The following CA9 variants were observed in gnomAD, a reference collection of about 807,000 sequenced individuals.
The protein encoded by CA9 is CA-IX.
A neutral mutation model predicts 51.8 loss-of-function variants in CA9; 43 were observed. The ratio of observed to expected loss-of-function variants is 0.83; its 90% CI spans 0.65 to 1.07. The LOEUF is 1.07. Among genes scored for constraint, CA9 ranks in the 50% least tolerant of loss-of-function variants. The pLI is 0.00. For synonymous variants in CA9, 253 were observed against 244.2 expected, an observed-to-expected ratio of 1.04 and a Z score of -0.34; for missense variants, 574 against 581.4, an observed-to-expected ratio of 0.99 and a Z score of 0.13.
rs143777802 is a variant in CA9 at position 35,674,143 on chromosome 9, G to A, written c.184G>A (p.Glu62Lys). Residue 62 changes from glutamate (E) to lysine (K), a missense_variant, in exon 1 of 11, where the codon GAG becomes AAG. Transcript: ENST00000378357. ...TTCTGGGGAAGATGACCCACTGGGC[G>A]AGGAGGATCTGCCCAGTGAAGAGGA... ...GSSGEDDPLG[E>K]EDLPSEEDSP... The A allele has an allele frequency of 4.3e-5, 69 of 1,614,158 alleles. No homozygotes were observed. In the African/African-American group the frequency reaches 5.7e-4, roughly 13 times the overall value.
rs1319317569 is a variant in CA9 at position 35,676,068 on chromosome 9, A to C, written c.609A>C (p.Gln203His). 2 of 1,612,778 alleles carry C rather than the reference A, an allele frequency of 1.2e-6. No individual in the cohort carries two copies. The highest frequency in any genetic ancestry group is 8.5e-7 in the Non-Finnish European group (1 of 1,179,722). ...CACTTGCCTCTCCCTACGCAGTGCA[A>C]CTGACCCTGCCTCCTGGGCTAGAGA... ...LRLRNNGHSV[Q>H]LTLPPGLEMA... Residue 203 changes from glutamine (Q) to histidine (H), a missense_variant, in exon 4 of 11, where the codon CAA (glutamine) becomes CAC (histidine). Gln to His is a conservative substitution (Grantham distance 24). Transcript: ENST00000378357.
Position 35,680,448 on chromosome 9 carries a change from G to A in CA9, c.1238-305G>A, listed in dbSNP as rs567633858. ...CACGATCATAGCTCACTGCAGCCTC[G>A]AACTCCTAGGCTCAGGCAATCCTTT... On this transcript the variant is annotated intron_variant, in intron 9 of 10. Coordinates refer to ENST00000378357, the MANE Select transcript of CA9 (RefSeq NM_001216.3). 1.3e-4 allele frequency among the ~76,000 whole-genome samples: 20 copies of A among 152,176 alleles called. No individual in the cohort carries two copies. In the East Asian group the frequency reaches 2.9e-3, roughly 22 times the overall value.
At chr9:35,680,923 G>C in intron 10 of CA9, 42 bp from the exon 11 acceptor site, 1 of 1,612,410 alleles carries the variant, frequency 6.2e-7, no homozygotes, top group Non-Finnish European at 8.5e-7. Context: ...AGCTGCTCCT[G>C]GGCCAGTTTT....
intron 2 of CA9, 87 bp downstream of exon 2, chr9:35,675,654 G>T (rs1313658796): frequency 6.4e-7 from 1 of 1,553,084 alleles, no homozygotes; most frequent in Non-Finnish European, 8.9e-7. Context: ...ACTGGTCCCG[G>T]GCGTCCCACC....
At position 35,673,971 on chromosome 9, in the gene CA9, G is replaced by A. The variant is rs769551863; in HGVS notation, c.12G>A (p.Leu4=). 4 of 1,602,710 alleles carry A rather than the reference G, an allele frequency of 2.5e-6. No individual in the cohort carries two copies. The highest frequency in any genetic ancestry group is 1.1e-5 in the South Asian group (1 of 88,930). The change falls in exon 1 of 11, where the codon CTG becomes CTA. Residue 4 remains leucine, a synonymous_variant. Coordinates refer to ENST00000378357, the MANE Select transcript of CA9 (RefSeq NM_001216.3). The part of the protein sequence containing the change: MAP[L]CPSPWLPLLI... ...CCACAGTCAGCCGCATGGCTCCCCT[G>A]TGCCCCAGCCCCTGGCTCCCTCTGT...
rs529821355 is a variant in CA9, at chr9:35,680,047, A to G, written c.1210+49A>G. 13 of 1,613,966 alleles carry G rather than the reference A, an allele frequency of 8.1e-6. No individual in the cohort carries two copies. The South Asian group carries it at 9.9e-5, about 12-fold the overall frequency. On this transcript the variant is annotated intron_variant, in intron 8 of 10. Coordinates refer to ENST00000378357, the MANE Select transcript of CA9 (RefSeq NM_001216.3). ...CCAGCCAGTAGTCCCTTATCCTCCC[A>G]TGTGTGTGCCAGTGTCTGTCATTGG...
At chr9:35,680,607 C>G in intron 9 of CA9, 146 bp from the exon 10 acceptor site, 1 of 662,310 alleles carries the variant, frequency 1.5e-6, no homozygotes, top group South Asian at 1.8e-5. Context: ...ACCCTCATCC[C>G]TTGGCTGGCC....
chr9:35,680,251 C>A (rs1824513223), intron 9 of CA9, 112 bp downstream of exon 9: 2 of 1,212,108 alleles, frequency 1.7e-6, no homozygotes, highest in South Asian at 2.4e-5. Context: ...AGAACAGACC[C>A]CAACCCCAAT....
In CA9 at chr9:35,677,847, G is replaced by C. The variant is rs746857543; in HGVS notation, c.898G>C (p.Ala300Pro). 3 of 1,613,830 alleles carry C rather than the reference G, an allele frequency of 1.9e-6. No homozygotes were observed. ...EQLLSRLEEI[A>P]EEGSETQVPG... is the part of the protein sequence containing the mutation. ...GTTGCTGTCTCGCTTGGAAGAAATC[G>C]CTGAGGAAGGTCAGTTTGTTGGTCT... is the stretch of plus-strand genomic sequence containing the variant. The change falls in exon 6 of 11, where the codon GCT becomes CCT. Residue 300 changes from alanine (A) to proline (P), a missense_variant. Coordinates refer to ENST00000378357, the MANE Select transcript of CA9 (RefSeq NM_001216.3).
intron 1 of CA9, 60 bp downstream of exon 1, chr9:35,674,422 C>T: frequency 1.3e-6 from 2 of 1,498,262 alleles, no homozygotes; most frequent in Non-Finnish European, 1.8e-6. Flanking sequence ...CCCTCCCATA[C>T]CCCAGCCTAG....
intron 2 of CA9, 63 bp from the exon 3 acceptor site, chr9:35,675,698 A>G (rs1587944187): frequency 7.8e-7 from 1 of 1,279,372 alleles, no homozygotes; most frequent in Admixed American, 1.9e-5. Context: ...CACCTTTTCT[A>G]CCCGGGTTCC....
intron 1 of CA9, 175 bp downstream of exon 1, chr9:35,674,537 C>G: frequency 1.7e-6 from 1 of 602,740 alleles, no homozygotes; most frequent in Non-Finnish European, 2.9e-6. Context: ...TAGAAAGGGA[C>G]AGATGTGGAG....
intron 6 of CA9, among the ~76,000 whole-genome samples, chr9:35,678,688 T>C (rs913897340): frequency 8.3e-5 from 12 of 145,206 alleles, no homozygotes; most frequent in African/African-American, 3.1e-4. Context: ...AGATCATTTT[T>C]TCTTTTCTTT....
chr9:35,679,255 A>G lies in CA9; in HGVS notation c.978A>G (p.Gln326=), dbSNP rs1336970530. ...LLPSDFSRYF[Q]YEGSLTTPPC... Reference sequence around the variant, plus strand: ...CCTCTGACTTCAGCCGCTACTTCCAATATGAGGGGTCTCTGACTACACCGC... The same window carrying G: ...CCTCTGACTTCAGCCGCTACTTCCAGTATGAGGGGTCTCTGACTACACCGC... Residue 326 remains glutamine (Q), a synonymous_variant, in exon 7 of 11, where the codon CAA becomes CAG. Transcript: ENST00000378357. 1 of 1,614,150 alleles carries G rather than the reference A, an allele frequency of 6.2e-7. No homozygotes were observed. The highest frequency in any genetic ancestry group is 2.2e-5 in the East Asian group (1 of 44,882).
intron 5 of CA9, 53 bp from the exon 6 acceptor site, chr9:35,677,737 C>T: frequency 2.1e-6 from 3 of 1,454,166 alleles, no homozygotes; most frequent in South Asian, 1.1e-5. Context: ...TTCCGGCCTT[C>T]AGCCATGGCC....
At chr9:35,679,774 G>A (rs1235469035) in intron 7 of CA9, 80 bp from the exon 8 acceptor site, 18 of 1,396,692 alleles carry the variant, frequency 1.3e-5, no homozygotes, top group Non-Finnish European at 1.6e-5. Context: ...GAGCCCTGAG[G>A]TGCTGGTTGT....
At chr9:35,679,082 G>C in intron 6 of CA9, 103 bp from the exon 7 acceptor site, 1 of 1,277,576 alleles carries the variant, frequency 7.8e-7, no homozygotes, top group Admixed American at 2.0e-5. Context: ...TGGTCTCAGA[G>C]TTGAGTTACC....
intron 2 of CA9, 28 bp from the exon 3 acceptor site, chr9:35,675,733 A>C: frequency 6.3e-7 from 1 of 1,587,642 alleles, no homozygotes; most frequent in South Asian, 1.1e-5. Flanking sequence ...TAGGCGTCAG[A>C]CTTCCTCACT....
In CA9 at chr9:35,674,189, C is replaced by T. The variant is rs200022684; in HGVS notation, c.230C>T (p.Pro77Leu). The T allele has an allele frequency of 1.2e-6, 2 of 1,613,918 alleles. No individual in the cohort carries two copies. The highest frequency in any genetic ancestry group is 1.7e-6 in the Non-Finnish European group (2 of 1,179,922). The stretch of plus-strand genomic sequence containing the variant: ...GAGGATTCACCCAGAGAGGAGGATC[C>T]ACCCGGAGAGGAGGATCTACCTGGA... ...SEEDSPREED[P>L]PGEEDLPGEE... Residue 77 changes from proline to leucine, a missense_variant, in exon 1 of 11, where the codon CCA (proline) becomes CTA (leucine). Physicochemically the swap from Pro to Leu is moderately conservative, Grantham distance 98. Transcript: ENST00000378357.
Sources: allele counts gnomAD v4.1 joint callset (sites outside exome capture counted in the v4.1 genomes callset), GRCh38; gene constraint gnomAD v4.1.1; transcripts MANE v1.5; gene names NCBI Gene and HGNC (gene_info 2026-07-23, HGNC 2026-07-21).